The following ZNF37A variants were observed in gnomAD, a reference collection of about 807,000 sequenced individuals.
ZNF37A encodes zinc finger protein 37A, also known as zinc finger protein 37a (KOX 21).
A neutral mutation model predicts 12.3 loss-of-function variants in ZNF37A; 10 were observed. That is an observed-to-expected ratio of 0.82 (90% CI 0.50 to 1.38). ZNF37A has a LOEUF of 1.38. Among genes scored for constraint, ZNF37A ranks in the 40% most tolerant of loss-of-function variants. The probability of loss-of-function intolerance (pLI) is 0.00; values close to 1 mark genes in which losing one functional copy is unlikely to be tolerated. For missense variants in ZNF37A, 580 were observed against 651.2 expected (o/e 0.89, Z 1.19); for synonymous variants, 207 against 223.0 (o/e 0.93, Z 0.64).
Position 38,112,730 on chromosome 10 carries a change from A to ATTTTCTTTTC in ZNF37A, c.16-1967_16-1958dup, listed in dbSNP as rs545261135. Among the ~76,000 whole-genome samples the ATTTTCTTTTC allele has an allele frequency of 5.5e-3, 427 of 77,524 alleles. 16 individuals are homozygous for ATTTTCTTTTC. The highest frequency in any genetic ancestry group is 0.013 in the Middle Eastern group (2 of 150). The allele number at this position is 77,524 out of a possible 152,430, so 50.9% of individuals were successfully genotyped here. On this transcript the variant is annotated intron_variant, in intron 5 of 7. Transcript: ENST00000685332. ...TTGTACAATTCTGTATTTTACATCC[A>ATTTTCTTTTC]TTTTCTTTTCTTTTCTTTTCTTTTC...
At chr10:38,147,820 T>C (rs2070273768) in exon 8 of ZNF37A, 2 of 152,222 alleles carry the variant, frequency 1.3e-5, no homozygotes, top group South Asian at 2.1e-4. Flanking sequence ...AAATCTTTTA[T>C]TCATCATTTG....
At chr10:38,117,040 CG>C (rs1043589038) in intron 7 of ZNF37A, 4 of 320,854 alleles carry the variant, frequency 1.2e-5, no homozygotes, top group Non-Finnish European at 1.3e-5. Flanking sequence ...ACCCAGGAAG[CG>C]GAGATTGCAG....
At chr10:38,106,216 A>C (rs573007206) in intron 5 of ZNF37A, among the ~76,000 whole-genome samples, 7 of 152,140 alleles carry the variant, frequency 4.6e-5, no homozygotes, top group Non-Finnish European at 1.0e-4. Flanking sequence ...TCTGGAGTGG[A>C]CCTCCAGCAA....
intron 5 of ZNF37A, among the ~76,000 whole-genome samples, chr10:38,108,484 A>G (rs2068333152): frequency 6.6e-6 from 1 of 152,218 alleles, no homozygotes. Flanking sequence ...AAGGCAAGAA[A>G]TAACTAAGAG....
At chr10:38,130,302 C>A (rs1354672871), downstream of ZNF37A, among the ~76,000 whole-genome samples, 3 of 152,084 alleles carry the variant, frequency 2.0e-5, no homozygotes, top group East Asian at 5.8e-4. Flanking sequence ...GTGATTTGTA[C>A]CTTTTGGCTA....
chr10:38,125,133 T>C (rs559037970), downstream of ZNF37A: 1 of 152,282 alleles, frequency 6.6e-6, no homozygotes, highest in East Asian at 1.9e-4. Context: ...ACAATAAAAA[T>C]ATGGAACATA....
intron 7 of ZNF37A, among the ~76,000 whole-genome samples, chr10:38,144,782 T>G (rs2136086327): frequency 6.6e-6 from 1 of 152,176 alleles, no homozygotes; most frequent in East Asian, 1.9e-4. Context: ...TTCCCAGCAG[T>G]GAACCCAATG....
At chr10:38,097,984 C>T (rs1480614268) in intron 5 of ZNF37A, among the ~76,000 whole-genome samples, 1 of 152,150 alleles carries the variant, frequency 6.6e-6, no homozygotes, top group Admixed American at 6.5e-5. Flanking sequence ...TTTTTCCCCT[C>T]TGCTCCAGCC....
rs2069442225 is a variant in ZNF37A, at chr10:38,118,225, T to C, written c.1074T>C (p.His358=). 6.2e-7 allele frequency: 1 copy of C among 1,613,974 alleles called. No homozygotes were observed. Among genetic ancestry groups the C allele is most frequent in the Non-Finnish European group, 8.5e-7 (1 of 1,179,926 alleles). The change falls in exon 8 of 8, where the codon CAT becomes CAC. Residue 358 remains histidine, a synonymous_variant. Coordinates refer to ENST00000685332, the MANE Select transcript of ZNF37A (RefSeq NM_001324250.3). ...CAGGGGAGAAACCATATGAATGTCA[T>C]GAATGTGGGAAAACCTTCTCATTTA... is the stretch of plus-strand genomic sequence containing the variant. ...THTGEKPYEC[H]ECGKTFSFKS...
At chr10:38,107,271 G>C (rs1404781491) in intron 5 of ZNF37A, among the ~76,000 whole-genome samples, 1 of 152,136 alleles carries the variant, frequency 6.6e-6, no homozygotes, top group African/African-American at 2.4e-5. Flanking sequence ...ATAAGTGAAG[G>C]AGAAATAAAA....
intron 7 of ZNF37A, chr10:38,142,669 A>G (rs900897181): frequency 6.6e-6 from 1 of 152,134 alleles, no homozygotes; most frequent in Non-Finnish European, 1.5e-5. Context: ...ATATTTTTTT[A>G]AATTCCATTT....
At chr10:38,144,358 A>T (rs1408443992) in intron 7 of ZNF37A, 2 of 152,166 alleles carry the variant, frequency 1.3e-5, no homozygotes, top group Non-Finnish European at 2.9e-5. Flanking sequence ...TCCCTGTTTT[A>T]AAAAATCACA....
intron 7 of ZNF37A, among the ~76,000 whole-genome samples, chr10:38,116,910 A>G (rs938643553): frequency 3.3e-5 from 5 of 152,208 alleles, no homozygotes; most frequent in African/African-American, 1.2e-4. Context: ...GGAGTTCAAG[A>G]CCAGCCTGGC....
At chr10:38,137,924 A>AGTGAAGCATAATTACTCT (rs2070131724) in intron 7 of ZNF37A, 1 of 152,332 alleles carries the variant, frequency 6.6e-6, no homozygotes, top group South Asian at 2.1e-4. Context: ...CAGTTTTAAT[A>AGTGAAGCATAATTACTCT]GTGAAGCATA....
intron 5 of ZNF37A, among the ~76,000 whole-genome samples, chr10:38,102,034 A>G (rs1394940134): frequency 2.0e-5 from 3 of 151,772 alleles, no homozygotes; most frequent in Non-Finnish European, 2.9e-5. Context: ...ACGGGGTTTC[A>G]CGGTATTGGC....
exon 8 of ZNF37A, chr10:38,149,761 G>A (rs1432010168): frequency 6.6e-6 from 1 of 151,920 alleles, no homozygotes; most frequent in Non-Finnish European, 1.5e-5. Flanking sequence ...ATTTTTAGTA[G>A]CGACGGGGTT....
At chr10:38,129,314 A>AC (rs2069979593), downstream of ZNF37A, among the ~76,000 whole-genome samples, 1 of 147,660 alleles carries the variant, frequency 6.8e-6, no homozygotes, top group Non-Finnish European at 1.5e-5. Context: ...TAAAAAAAAA[A>AC]AAAAAAAACT....
intron 5 of ZNF37A, among the ~76,000 whole-genome samples, chr10:38,112,867 G>C (rs176881): frequency 0.32 from 31,555 of 100,102 alleles, 7,823 homozygotes; most frequent in Non-Finnish European, 0.34. Context: ...CAGTACAGTG[G>C]TGTGATCTTG....
At chr10:38,127,263 A>G (rs1317818641), downstream of ZNF37A, among the ~76,000 whole-genome samples, 3 of 152,156 alleles carry the variant, frequency 2.0e-5, no homozygotes, top group Non-Finnish European at 2.9e-5. Context: ...GAGACACTCA[A>G]GCCCCAGAAT....
Sources: allele counts gnomAD v4.1 joint callset (sites outside exome capture counted in the v4.1 genomes callset), GRCh38; gene constraint gnomAD v4.1.1; transcripts MANE v1.5; gene names NCBI Gene and HGNC (gene_info 2026-07-23, HGNC 2026-07-21).